ICA1: variants seen among roughly 807,000 people sequenced by gnomAD.
The protein encoded by ICA1 is 69 kDa islet cell autoantigen.
Under a neutral mutation model 71.0 loss-of-function variants are expected in ICA1, and 40 were observed. That is an observed-to-expected ratio of 0.56 (90% confidence interval 0.44 to 0.73). The LOEUF (loss-of-function observed/expected upper bound fraction) is 0.73. Among genes scored for constraint, ICA1 ranks in the 30% least tolerant of loss-of-function variants. The pLI is 0.00. For missense variants in ICA1, 578 were observed against 576.5 expected, an observed-to-expected ratio of 1.00 and a Z score of -0.03; for synonymous variants, 207 against 209.5, an observed-to-expected ratio of 0.99 and a Z score of 0.10.
At chr7:8,217,317 A>C (rs1186103504) in intron 6 of ICA1, among the ~76,000 whole-genome samples, 1 of 152,204 alleles carries the variant, frequency 6.6e-6, no homozygotes, top group Non-Finnish European at 1.5e-5. Context: ...AAATCAATCT[A>C]TATCTAGGTC....
intron 6 of ICA1, among the ~76,000 whole-genome samples, chr7:8,216,313 A>G (rs1795377970): frequency 6.6e-6 from 1 of 152,180 alleles, no homozygotes; most frequent in Non-Finnish European, 1.5e-5. Context: ...GTCTAATCAA[A>G]TATACACTTG....
intron 1 of ICA1, among the ~76,000 whole-genome samples, chr7:8,259,001 G>A (rs182031156): frequency 2.7e-4 from 41 of 152,192 alleles, no homozygotes; most frequent in Admixed American, 2.4e-3. Context: ...GCTCATTTTA[G>A]AGTAGTGTGC....
Position 8,223,287 on chromosome 7 carries a change from T to G in ICA1, c.257-1889A>C, listed in dbSNP as rs6968757. ...TCAAGTCACATACAAATGAATGCAT[T>G]TAGCTTAAGGCTAGGAAGAAACCAA... On this transcript the variant is annotated intron_variant, in intron 4 of 13. Transcript: ENST00000402384. The surrounding 1 kb of genome is among the most constrained non-coding windows in gnomAD (Gnocchi z 4.1). 0.037 allele frequency among the ~76,000 whole-genome samples: 5,674 copies of G among 152,286 alleles called. 249 individuals carry two copies. The highest frequency in any genetic ancestry group is 0.098 in the African/African-American group (4,073 of 41,544).
rs78212164 is a variant in ICA1, at chr7:8,194,022, G to A, written c.579+24283C>T. 4.2e-3 allele frequency among the ~76,000 whole-genome samples: 632 copies of A among 152,286 alleles called. 6 individuals carry two copies. The highest frequency in any genetic ancestry group is 0.013 in the African/African-American group (524 of 41,544). On this transcript the variant is annotated intron_variant, in intron 6 of 13. Transcript: ENST00000402384. Reference sequence around the variant, plus strand: ...GTTCACTTTCAGTCTCTGTCCATATGTGGCCAATTAAAATTATATGGTTAT... The same window carrying A: ...GTTCACTTTCAGTCTCTGTCCATATATGGCCAATTAAAATTATATGGTTAT...
At chr7:8,187,825 A>G (rs759450695) in intron 6 of ICA1, among the ~76,000 whole-genome samples, 4 of 152,240 alleles carry the variant, frequency 2.6e-5, no homozygotes, top group Non-Finnish European at 4.4e-5. Flanking sequence ...CAGATTTAGT[A>G]TCATCAAGAT....
At chr7:8,229,378 C>A (rs944792478) in intron 3 of ICA1, among the ~76,000 whole-genome samples, 1 of 152,182 alleles carries the variant, frequency 6.6e-6, no homozygotes, top group Non-Finnish European at 1.5e-5. Context: ...CAATGCGTGG[C>A]GGTTCCAGCC....
At chr7:8,188,888 A>G (rs2128291522) in intron 6 of ICA1, among the ~76,000 whole-genome samples, 1 of 152,294 alleles carries the variant, frequency 6.6e-6, no homozygotes, top group Middle Eastern at 3.4e-3. Flanking sequence ...CGCAAAGAGG[A>G]GGGCAAGACT....
At chr7:8,215,098 C>CT (rs1404965823) in intron 6 of ICA1, among the ~76,000 whole-genome samples, 1 of 152,100 alleles carries the variant, frequency 6.6e-6, no homozygotes, top group Admixed American at 6.5e-5. Context: ...CCTTCTCCAC[C>CT]TTACAAAGAA....
intron 6 of ICA1, among the ~76,000 whole-genome samples, chr7:8,163,432 A>G (rs1330356756): frequency 6.6e-6 from 1 of 152,256 alleles, no homozygotes; most frequent in African/African-American, 2.4e-5. Context: ...CTCTGGCCTT[A>G]AATCCATTCA....
rs576082786 is a variant in ICA1, at chr7:8,223,753, C to A, written c.257-2355G>T. Among the ~76,000 whole-genome samples, 16 of 152,122 alleles carry A rather than the reference C, an allele frequency of 1.1e-4. No homozygotes were observed. The highest frequency in any genetic ancestry group is 9.2e-4 in the Admixed American group (14 of 15,260). On this transcript the variant is annotated intron_variant, in intron 4 of 13. Coordinates refer to ENST00000402384, the MANE Select transcript of ICA1 (RefSeq NM_001136020.3). The surrounding 1 kb of genome is among the most constrained non-coding windows in gnomAD (Gnocchi z 4.1). ...GACCAGCCTGTGCAACATAGCAAGA[C>A]CCCTGTCTCTATTACAAGAAGAAAG...
intron 6 of ICA1, among the ~76,000 whole-genome samples, chr7:8,212,789 C>T (rs1794233116): frequency 6.6e-6 from 1 of 152,162 alleles, no homozygotes; most frequent in South Asian, 2.1e-4. Flanking sequence ...AGCCAGCCAC[C>T]AGCTCTGCAA....
intron 5 of ICA1, 71 bp downstream of exon 5, chr7:8,221,204 C>T: frequency 6.3e-7 from 1 of 1,591,716 alleles, no homozygotes; most frequent in Non-Finnish European, 8.6e-7. Flanking sequence ...GTGAGATTCC[C>T]TTTCGTGAGT....
chr7:8,156,747 T>A, intron 8 of ICA1: 4 of 1,311,238 alleles, frequency 3.1e-6, no homozygotes, highest in Non-Finnish European at 4.0e-6. Flanking sequence ...AGTAACTGAG[T>A]TTATGGGACT....
chr7:8,153,464 T>A (rs1392406814), intron 8 of ICA1, among the ~76,000 whole-genome samples: 1 of 152,116 alleles, frequency 6.6e-6, no homozygotes, highest in Non-Finnish European at 1.5e-5. Context: ...TATGTGAGAT[T>A]TTCCAGGGAA....
At position 8,120,321 on chromosome 7, in the gene ICA1, A is replaced by G. The variant is rs188678779; in HGVS notation, c.1331-6277T>C. Among the ~76,000 whole-genome samples, 441 of 152,290 alleles carry G rather than the reference A, an allele frequency of 2.9e-3. 1 individual carries two copies. Among genetic ancestry groups the G allele is most frequent in the South Asian group, 6.6e-3 (32 of 4,824 alleles). On this transcript the variant is annotated intron_variant, in intron 13 of 13. Transcript: ENST00000402384. ...GTCTATGACACCGACTATTTATGGG[A>G]AAAAAAGCAAATACTAAGCTCAGCT...
intron 4 of ICA1, among the ~76,000 whole-genome samples, chr7:8,228,078 T>C (rs1799165841): frequency 6.6e-6 from 1 of 152,186 alleles, no homozygotes; most frequent in Non-Finnish European, 1.5e-5. Flanking sequence ...AACACATAAT[T>C]GATATTTAGT....
At position 8,139,002 on chromosome 7, in the gene ICA1, G is replaced by T. The variant is rs746475677; in HGVS notation, c.1001C>A (p.Thr334Lys). ...TAGGTTACCTGAGCATGCAGTATGT[G>T]TAGAGCCTTTGTCTAAGGCAGATAA... ...SILSALDKGSTHTACSGPIDE... is the reference protein window; with the variant it reads ...SILSALDKGSKHTACSGPIDE... The change falls in exon 11 of 14, where the codon ACA becomes AAA. Residue 334 changes from threonine (T) to lysine (K), a missense_variant. Coordinates refer to ENST00000402384, the MANE Select transcript of ICA1 (RefSeq NM_001136020.3). 1.2e-6 allele frequency: 2 copies of T among 1,613,176 alleles called. No individual in the cohort carries two copies. The highest frequency in any genetic ancestry group is 2.7e-5 in the African/African-American group (2 of 74,898).
At chr7:8,241,821 G>A (rs1379713569) in intron 1 of ICA1, among the ~76,000 whole-genome samples, 2 of 152,128 alleles carry the variant, frequency 1.3e-5, no homozygotes, top group African/African-American at 2.4e-5. Flanking sequence ...GACAAAGAAG[G>A]CCATTACATA....
chr7:8,243,783 A>C (rs532671782), intron 1 of ICA1, among the ~76,000 whole-genome samples: 1 of 152,334 alleles, frequency 6.6e-6, no homozygotes, highest in East Asian at 1.9e-4. Context: ...ACAGACAAAC[A>C]GAGAGCCAAA....
Sources: allele counts gnomAD v4.1 joint callset (sites outside exome capture counted in the v4.1 genomes callset), GRCh38; gene constraint gnomAD v4.1.1; non-coding constraint Gnocchi (gnomAD v3.1); transcripts MANE v1.5; gene names NCBI Gene and HGNC (gene_info 2026-07-23, HGNC 2026-07-21).